Variants in TXNDC16 observed in about 807,000 individuals in gnomAD.
TXNDC16 encodes thioredoxin domain containing 16, also known as thioredoxin domain-containing protein 16.
Under a neutral mutation model 85.6 loss-of-function variants are expected in TXNDC16, and 74 were observed. The ratio of observed to expected loss-of-function variants is 0.86; its 90% CI spans 0.72 to 1.05. The LOEUF is 1.05. Among genes scored for constraint, TXNDC16 ranks in the 50% least tolerant of loss-of-function variants. The probability of loss-of-function intolerance (pLI) is 0.00; values close to 1 mark genes in which losing one functional copy is unlikely to be tolerated. For synonymous variants in TXNDC16, 335 were observed against 326.5 expected, an observed-to-expected ratio of 1.03 and a Z score of -0.28; for missense variants, 959 against 947.0, an observed-to-expected ratio of 1.01 and a Z score of -0.17.
At chr14:52,545,483 G>T (rs151140927) in intron 1 of TXNDC16, among the ~76,000 whole-genome samples, 7 of 152,162 alleles carry the variant, frequency 4.6e-5, no homozygotes, top group African/African-American at 1.7e-4. Context: ...AATACCGCAC[G>T]GGTCAGCTAG....
intron 11 of TXNDC16, among the ~76,000 whole-genome samples, chr14:52,489,412 G>A (rs1338667226): frequency 6.6e-6 from 1 of 151,796 alleles, no homozygotes. Context: ...AAGTGTTCTT[G>A]ACTGTAACTC....
chr14:52,519,062 G>C (rs1718733796), intron 7 of TXNDC16, 110 bp downstream of exon 7: 1 of 1,138,078 alleles, frequency 8.8e-7, no homozygotes, highest in Non-Finnish European at 1.2e-6. Flanking sequence ...AGATGCTTTA[G>C]ATTTATTTTA....
chr14:52,539,638 C>T lies in TXNDC16; in HGVS notation c.244-1966G>A, dbSNP rs539295453. Among the ~76,000 whole-genome samples the T allele has an allele frequency of 7.2e-5, 11 of 152,108 alleles. No homozygotes were observed. In the South Asian group the frequency reaches 2.3e-3, roughly 32 times the overall value. On this transcript the variant is annotated intron_variant, in intron 4 of 20. Coordinates refer to ENST00000281741, the MANE Select transcript of TXNDC16 (RefSeq NM_020784.3). ...TATTAGGAGGCTATTGTGGTTTCCC[C>T]AATGAGAAGAGATGGCAGGAAGAAG...
At chr14:52,497,088 G>T (rs2036549260) in intron 9 of TXNDC16, among the ~76,000 whole-genome samples, 1 of 151,710 alleles carries the variant, frequency 6.6e-6, no homozygotes, top group African/African-American at 2.4e-5. Context: ...TTGCATTGGG[G>T]TACAACTACC....
chr14:52,468,945 A>T (rs1230018557), intron 16 of TXNDC16, among the ~76,000 whole-genome samples: 1 of 152,142 alleles, frequency 6.6e-6, no homozygotes, highest in Non-Finnish European at 1.5e-5. Flanking sequence ...ACGTTATTCT[A>T]TTGGGAACCT....
At chr14:52,477,012 C>T (rs958967841) in intron 14 of TXNDC16, among the ~76,000 whole-genome samples, 1 of 152,122 alleles carries the variant, frequency 6.6e-6, no homozygotes, top group African/African-American at 2.4e-5. Flanking sequence ...AGGATTGGGG[C>T]CCTATCTTCA....
intron 16 of TXNDC16, among the ~76,000 whole-genome samples, chr14:52,461,799 A>G (rs2035658583): frequency 6.6e-6 from 1 of 152,202 alleles, no homozygotes; most frequent in African/African-American, 2.4e-5. Flanking sequence ...ACCTGTCCAG[A>G]CCCCAGAATC....
chr14:52,470,737 T>G (rs2035888790), intron 14 of TXNDC16, 57 bp from the exon 15 acceptor site: 3 of 1,494,240 alleles, frequency 2.0e-6, no homozygotes, highest in Admixed American at 2.0e-5. Flanking sequence ...TGCATTTGCT[T>G]AGGATCTTCA....
intron 20 of TXNDC16, among the ~76,000 whole-genome samples, chr14:52,434,931 C>T (rs1453714910): frequency 3.3e-5 from 5 of 152,202 alleles, no homozygotes; most frequent in Non-Finnish European, 7.3e-5. Context: ...CAATAGAAGA[C>T]ACGCCAGTCT....
chr14:52,502,902 A>G (rs1219836751), intron 9 of TXNDC16, among the ~76,000 whole-genome samples: 1 of 152,226 alleles, frequency 6.6e-6, no homozygotes, highest in Admixed American at 6.5e-5. Context: ...CAACGGTCTT[A>G]GCAAATGGCA....
intron 12 of TXNDC16, among the ~76,000 whole-genome samples, chr14:52,484,232 G>A (rs1404540741): frequency 6.6e-6 from 1 of 152,002 alleles, no homozygotes; most frequent in African/African-American, 2.4e-5. Flanking sequence ...ATGAGCCATG[G>A]TTTGATAATG....
intron 16 of TXNDC16, among the ~76,000 whole-genome samples, chr14:52,458,165 C>T (rs377370835): frequency 3.9e-5 from 6 of 152,150 alleles, no homozygotes; most frequent in South Asian, 4.1e-4. Flanking sequence ...AAAAAGGGTA[C>T]ATACTTTCCC....
chr14:52,462,520 G>T (rs1402567681), intron 16 of TXNDC16, among the ~76,000 whole-genome samples: 1 of 152,150 alleles, frequency 6.6e-6, no homozygotes, highest in Non-Finnish European at 1.5e-5. Flanking sequence ...TCACCATGTT[G>T]CCCAGCCTGG....
chr14:52,478,348 T>C (rs570397434), intron 14 of TXNDC16, among the ~76,000 whole-genome samples: 1 of 151,930 alleles, frequency 6.6e-6, no homozygotes, highest in South Asian at 2.1e-4. Flanking sequence ...CTAAATGAAA[T>C]TGAAACAACA....
rs754280536 is a variant in TXNDC16 at position 52,470,574 on chromosome 14, G to A, written c.1419C>T (p.Gly473=). Residue 473 remains glycine (G), a synonymous_variant, in exon 15 of 21, where the codon GGC becomes GGT. Coordinates refer to ENST00000281741, the MANE Select transcript of TXNDC16 (RefSeq NM_020784.3). ...TTCCAGCATAAGATACTGGGTTCTC[G>A]CCTTTCTTGTACATCTTTATGATAG... The part of the protein sequence containing the change: ...EFPIIKMYKK[G]ENPVSYAGML... 8.7e-6 allele frequency: 14 copies of A among 1,613,646 alleles called. No individual in the cohort carries two copies. The highest frequency in any genetic ancestry group is 1.6e-4 in the Middle Eastern group (1 of 6,076).
At chr14:52,549,331 G>C (rs1213063936) in intron 1 of TXNDC16, among the ~76,000 whole-genome samples, 1 of 152,084 alleles carries the variant, frequency 6.6e-6, no homozygotes, top group African/African-American at 2.4e-5. Flanking sequence ...AATACAAGAG[G>C]GTAACAGCAC....
At chr14:52,538,032 T>C (rs2037743784) in intron 4 of TXNDC16, among the ~76,000 whole-genome samples, 1 of 152,214 alleles carries the variant, frequency 6.6e-6, no homozygotes, top group Non-Finnish European at 1.5e-5. Context: ...TAGCAGATAC[T>C]GCTGGTTTCC....
Position 52,470,589 on chromosome 14 carries a change from C to G in TXNDC16, c.1404G>C (p.Lys468Asn). 6.2e-7 allele frequency: 1 copy of G among 1,613,960 alleles called. No homozygotes were observed. The change falls in exon 15 of 21, where the codon AAG becomes AAC. Residue 468 changes from lysine to asparagine, a missense_variant. Coordinates refer to ENST00000281741, the MANE Select transcript of TXNDC16 (RefSeq NM_020784.3). ...CTGGGTTCTCGCCTTTCTTGTACATCTTTATGATAGGAAATTCAGTAACAT... is the reference window on the plus strand; with the variant it reads ...CTGGGTTCTCGCCTTTCTTGTACATGTTTATGATAGGAAATTCAGTAACAT... Reference protein sequence around the residue: ...KQNVTEFPIIKMYKKGENPVS... With the variant: ...KQNVTEFPIINMYKKGENPVS...
At chr14:52,516,822 C>A (rs541083827) in intron 7 of TXNDC16, among the ~76,000 whole-genome samples, 4 of 152,110 alleles carry the variant, frequency 2.6e-5, no homozygotes, top group Non-Finnish European at 4.4e-5. Flanking sequence ...ACCCAAAACA[C>A]CCCAGCCAGG....
Sources: gnomAD v4.1 joint callset for allele counts (sites outside exome capture counted in the v4.1 genomes callset) on GRCh38, gnomAD v4.1.1 for gene constraint, MANE v1.5 for transcripts, NCBI Gene and HGNC (gene_info 2026-07-23, HGNC 2026-07-21) for gene names.